ZNF563: variants seen among roughly 807,000 people sequenced by gnomAD.
ZNF563 encodes zinc finger protein 563.
Under a neutral mutation model 48.5 loss-of-function variants are expected in ZNF563, and 39 were observed. The ratio of observed to expected loss-of-function variants is 0.80; its 90% CI spans 0.62 to 1.05. The LOEUF (loss-of-function observed/expected upper bound fraction) is 1.05, where lower values mean the gene tolerates loss of function less well. Ranked by LOEUF, ZNF563 falls within the 50% of genes least tolerant of loss-of-function variation. The pLI is 0.00. For synonymous variants in ZNF563, 168 were observed against 187.9 expected, an observed-to-expected ratio of 0.89 and a Z score of 0.87; for missense variants, 538 against 597.0, an observed-to-expected ratio of 0.90 and a Z score of 1.03.
intron 1 of ZNF563, among the ~76,000 whole-genome samples, chr19:12,324,296 C>T (rs1368375563): frequency 6.6e-6 from 1 of 152,046 alleles, no homozygotes; most frequent in Admixed American, 6.6e-5. Context: ...GATGTGAAGA[C>T]TGTAATGAAC....
In ZNF563 at chr19:12,322,788, A is replaced by G. The variant is rs1599570285; in HGVS notation, c.4-77T>C. ...AAACTATACTCAGTTCATAAACTTC[A>G]TATGATGCTGTGCTTTCCAAGCATT... On this transcript the variant is annotated intron_variant, in intron 1 of 3. Transcript: ENST00000293725. 7.8e-6 allele frequency: 11 copies of G among 1,404,096 alleles called. No homozygotes were observed. The East Asian group carries it at 3.0e-4, about 39-fold the overall frequency. 87.0% of individuals were successfully genotyped at this position (1,404,096 alleles called of 1,614,324 possible).
Position 12,332,925 on chromosome 19 carries a change from G to A in ZNF563, c.3+555C>T, listed in dbSNP as rs189672024. Among the ~76,000 whole-genome samples, 315 of 152,288 alleles carry A rather than the reference G, an allele frequency of 2.1e-3. 2 individuals are homozygous for A. Among genetic ancestry groups the A allele is most frequent in the African/African-American group, 7.2e-3 (300 of 41,568 alleles). On this transcript the variant is annotated intron_variant, in intron 1 of 3. Coordinates refer to ENST00000293725, the MANE Select transcript of ZNF563 (RefSeq NM_145276.3). ...GGCGTTACCGGCCCAGATAGCAGTC[G>A]TTCCCCTGTGACGGAGAGGAAGTCA...
At chr19:12,335,436 G>A (rs1458695462), upstream of ZNF563, among the ~76,000 whole-genome samples, 1 of 152,224 alleles carries the variant, frequency 6.6e-6, no homozygotes, top group East Asian at 1.9e-4. Context: ...TTGACTGCAG[G>A]TCAGGGTGGC....
chr19:12,341,592 T>G, the ZNF563 span, among the ~76,000 whole-genome samples: 2 of 152,080 alleles, frequency 1.3e-5, no homozygotes, highest in Admixed American at 1.3e-4. Flanking sequence ...AAAATAGAAT[T>G]TAAGCCAAAA....
At chr19:12,342,059 T>G in the ZNF563 span, among the ~76,000 whole-genome samples, 1 of 152,232 alleles carries the variant, frequency 6.6e-6, no homozygotes, top group Non-Finnish European at 1.5e-5. Flanking sequence ...TCACCTAAGT[T>G]GGAGTACAGT....
chr19:12,333,527 C>A lies in ZNF563; in HGVS notation c.-45G>T, dbSNP rs1187822747. 1 of 1,612,166 alleles carries A rather than the reference C, an allele frequency of 6.2e-7. No homozygotes were observed. The highest frequency in any genetic ancestry group is 8.5e-7 in the Non-Finnish European group (1 of 1,178,966). ...TCCAGGGTCCTCCCTCTGCCTCCCG[C>A]TGCCAGTGCGGGTCCCACTGTGACA... On this transcript the variant is annotated 5_prime_UTR_variant, in exon 1 of 4. Transcript: ENST00000293725.
At chr19:12,340,318 C>T in the ZNF563 span, among the ~76,000 whole-genome samples, 3 of 151,548 alleles carry the variant, frequency 2.0e-5, no homozygotes, top group East Asian at 2.0e-4. Context: ...TGGGGAACAG[C>T]GTGAGACTCT....
intron 1 of ZNF563, among the ~76,000 whole-genome samples, chr19:12,331,625 G>T (rs1388473729): frequency 6.6e-6 from 1 of 152,150 alleles, no homozygotes; most frequent in Non-Finnish European, 1.5e-5. Flanking sequence ...AGGATACCAG[G>T]GGAATCCTCC....
At position 12,317,490 on chromosome 19, in the gene ZNF563, T is replaced by C. The variant is rs189912748; in HGVS notation, c.*1104A>G. The C allele has an allele frequency of 6.6e-6, 1 of 150,650 alleles. No individual in the cohort carries two copies. The highest frequency in any genetic ancestry group is 6.6e-5 in the Admixed American group (1 of 15,120). The allele number at this position is 150,650 out of a possible 1,614,324, so 9.3% of individuals were successfully genotyped here. A position where few individuals can be genotyped will look rare whatever the true frequency, so the allele number is the denominator to read the frequency against. On this transcript the variant is annotated 3_prime_UTR_variant, in exon 4 of 4. Coordinates refer to ENST00000293725, the MANE Select transcript of ZNF563 (RefSeq NM_145276.3). ...TTCTTTCTTTCCTTTTTTTTTTTTT[T>C]TGTGTGTGTGACAGAGGTTGTTTTG... is the stretch of plus-strand genomic sequence containing the variant.
chr19:12,342,319 C>G, the ZNF563 span, among the ~76,000 whole-genome samples: 2 of 152,016 alleles, frequency 1.3e-5, no homozygotes, highest in African/African-American at 4.8e-5. Flanking sequence ...TATCTGGCCT[C>G]AGATGTATAT....
chr19:12,335,017 C>T (rs935325453), upstream of ZNF563, among the ~76,000 whole-genome samples: 1 of 151,988 alleles, frequency 6.6e-6, no homozygotes, highest in Non-Finnish European at 1.5e-5. Context: ...TGGAGGCGTG[C>T]GCAGGCTGCT....
In ZNF563 at chr19:12,318,791, C is replaced by T. The variant is rs772447328; in HGVS notation, c.1234G>A (p.Glu412Lys). 1.2e-5 allele frequency: 20 copies of T among 1,614,068 alleles called. No homozygotes were observed. The highest frequency in any genetic ancestry group is 5.5e-5 in the South Asian group (5 of 91,082). The change falls in exon 4 of 4, where the codon GAA becomes AAA. Residue 412 changes from glutamate (E) to lysine (K), a missense_variant. By Grantham distance (56) the Glu-to-Lys change is moderately conservative. Transcript: ENST00000293725. Reference sequence around the variant, plus strand: ...GGTTTCTCTCCACTGTGAGACTTTTCGTGTCTTTGACATACACTAGGATAA... The same window carrying T: ...GGTTTCTCTCCACTGTGAGACTTTTTGTGTCTTTGACATACACTAGGATAA... Reference protein sequence around the residue: ...FVYPSVCQRHEKSHSGEKPYE... With the variant: ...FVYPSVCQRHKKSHSGEKPYE...
intron 3 of ZNF563, among the ~76,000 whole-genome samples, chr19:12,320,482 T>C (rs1968586459): frequency 1.3e-5 from 2 of 152,014 alleles, no homozygotes; most frequent in South Asian, 2.1e-4. Flanking sequence ...GCTGGAACCA[T>C]AGGTGTGCAC....
chr19:12,331,506 T>C (rs1271435160), intron 1 of ZNF563, among the ~76,000 whole-genome samples: 1 of 152,240 alleles, frequency 6.6e-6, no homozygotes, highest in Non-Finnish European at 1.5e-5. Flanking sequence ...ATTTCTATTT[T>C]ACCCCCTCAA....
chr19:12,332,611 A>G (rs1046638382), intron 1 of ZNF563, among the ~76,000 whole-genome samples: 2 of 152,284 alleles, frequency 1.3e-5, no homozygotes, highest in African/African-American at 4.8e-5. Context: ...GGCCCAAGAC[A>G]TGGCCTTCTT....
intron 1 of ZNF563, among the ~76,000 whole-genome samples, chr19:12,331,967 GTT>G (rs1968927915): frequency 1.3e-5 from 2 of 152,160 alleles, no homozygotes; most frequent in African/African-American, 4.8e-5. Context: ...CTGACAGGTG[GTT>G]ATTCTCTGCA....
At chr19:12,334,761 C>A (rs948283767), upstream of ZNF563, among the ~76,000 whole-genome samples, 2 of 146,586 alleles carry the variant, frequency 1.4e-5, no homozygotes, top group Non-Finnish European at 3.0e-5. Context: ...CCCAGCTACT[C>A]GGGAGGCTGA....
In ZNF563 at chr19:12,318,884, G is replaced by A. The variant is rs755560481; in HGVS notation, c.1141C>T (p.Arg381Ter). Residue 381 changes from arginine to a stop codon, truncating the protein, a stop_gained, in exon 4 of 4, where the codon CGA (arginine) becomes TGA (stop). Coordinates refer to ENST00000293725, the MANE Select transcript of ZNF563 (RefSeq NM_145276.3). LOFTEE classifies it high-confidence loss of function. ...CCAGTGTGCATTATCATGTGTCTTC[G>A]AAAGCTTGAGCTATGAGATAACGTT... ...GKTLSHSSSF[R>*]RHMIMHTGGG... The A allele has an allele frequency of 3.1e-6, 5 of 1,614,120 alleles. No individual in the cohort carries two copies. Among genetic ancestry groups the A allele is most frequent in the South Asian group, 2.2e-5 (2 of 91,082 alleles).
chr19:12,345,876 C>T, the ZNF563 span: 1 of 152,006 alleles, frequency 6.6e-6, no homozygotes, highest in Non-Finnish European at 1.5e-5. Flanking sequence ...CAAGATCATG[C>T]CTCTGCACTC....
Sources: gnomAD v4.1 joint callset for allele counts (sites outside exome capture counted in the v4.1 genomes callset) on GRCh38, gnomAD v4.1.1 for gene constraint, MANE v1.5 for transcripts, NCBI Gene and HGNC (gene_info 2026-07-23, HGNC 2026-07-21) for gene names.